Variants in OCEL1 observed in about 807,000 individuals in gnomAD.
The protein encoded by OCEL1 is occludin/ELL domain containing 1.
Under a neutral mutation model 29.4 loss-of-function variants are expected in OCEL1, and 24 were observed. The observed-to-expected ratio is 0.82, with a 90% CI of 0.59 to 1.15. OCEL1 has a LOEUF of 1.15. Among genes scored for constraint, OCEL1 ranks in the 50% most tolerant of loss-of-function variants. The pLI, the probability that OCEL1 is intolerant of heterozygous loss-of-function variation, is 0.00. For missense variants in OCEL1, 402 were observed against 352.5 expected (o/e 1.14, Z -1.13); for synonymous variants, 172 against 145.3 (o/e 1.18, Z -1.32).
intron 5 of OCEL1, 87 bp from the exon 6 acceptor site, chr19:17,228,716 G>T: frequency 6.5e-7 from 1 of 1,531,534 alleles, no homozygotes. Context: ...GAAAATTGAG[G>T]CTCGGAGAAT....
At chr19:17,228,038 C>T in intron 4 of OCEL1, 33 bp downstream of exon 4, 1 of 1,607,168 alleles carries the variant, frequency 6.2e-7, no homozygotes, top group Non-Finnish European at 8.5e-7. Flanking sequence ...TGCCCCGCAG[C>T]CCTTCTGAGT....
chr19:17,229,212 G>C lies in OCEL1; in HGVS notation c.*287G>C, dbSNP rs1394918337. 3 of 259,078 alleles carry C rather than the reference G, an allele frequency of 1.2e-5. No individual in the cohort carries two copies. In the East Asian group the frequency reaches 2.3e-4, roughly 20 times the overall value. The allele number at this position is 259,078 out of a possible 1,614,324, so 16.0% of individuals were successfully genotyped here. On this transcript the variant is annotated 3_prime_UTR_variant, in exon 6 of 6. Coordinates refer to ENST00000215061, the MANE Select transcript of OCEL1 (RefSeq NM_024578.3). The stretch of plus-strand genomic sequence containing the variant: ...ATCCCAGTGAAATAAACATGTATTA[G>C]ACACCTACTGAGTATAATTACTTAA...
intron 5 of OCEL1, chr19:17,228,562 T>G (rs986700805): frequency 6.8e-6 from 4 of 590,180 alleles, no homozygotes; most frequent in Non-Finnish European, 1.2e-5. Context: ...GTAGTAGAGA[T>G]GGGGTTTCAC....
chr19:17,228,132 C>A, intron 4 of OCEL1, 124 bp from the exon 5 acceptor site: 1 of 1,522,274 alleles, frequency 6.6e-7, no homozygotes, highest in Non-Finnish European at 9.0e-7. Context: ...CGCCGTGACA[C>A]ATGGCTAAGG....
chr19:17,227,290 G>C (rs891201), intron 3 of OCEL1, 91 bp downstream of exon 3: 157,381 of 1,212,440 alleles, frequency 0.13, 12,083 homozygotes, highest in African/African-American at 0.28. Flanking sequence ...GTTTACCAAA[G>C]AGTAGAAAGG....
In OCEL1 at chr19:17,226,677, G is replaced by A; in HGVS notation, c.70-16G>A. Reference sequence around the variant, plus strand: ...GCGCGTCGTCAGGCGTGTCCTCTCCGCGTGTCCACCCACAGGCCGCCCGCA... The same window carrying A: ...GCGCGTCGTCAGGCGTGTCCTCTCCACGTGTCCACCCACAGGCCGCCCGCA... On this transcript the variant is annotated splice_polypyrimidine_tract_variant and intron_variant, in intron 1 of 5. Transcript: ENST00000215061. The A allele has an allele frequency of 6.9e-7, 1 of 1,455,086 alleles. No individual in the cohort carries two copies. The highest frequency in any genetic ancestry group is 9.0e-7 in the Non-Finnish European group (1 of 1,111,576). 90.1% of individuals were successfully genotyped at this position (1,455,086 alleles called of 1,614,324 possible).
chr19:17,226,627 AGCT>A, intron 1 of OCEL1, 63 bp from the exon 2 acceptor site: 2 of 1,402,246 alleles, frequency 1.4e-6, no homozygotes, highest in Non-Finnish European at 1.9e-6. Context: ...TCTTCGGCCG[AGCT>A]GCCCGCGCGT....
At position 17,228,623 on chromosome 19, in the gene OCEL1, C is replaced by T. The variant is rs192393024; in HGVS notation, c.673-180C>T. 1.3e-4 allele frequency: 98 copies of T among 753,636 alleles called. 1 individual carries two copies. In the East Asian group the frequency reaches 2.8e-3, roughly 21 times the overall value. The allele number at this position is 753,636 out of a possible 1,614,324, so 46.7% of individuals were successfully genotyped here. A position where few individuals can be genotyped will look rare whatever the true frequency, so the allele number is the denominator to read the frequency against. On this transcript the variant is annotated intron_variant, in intron 5 of 5. Transcript: ENST00000215061. The stretch of plus-strand genomic sequence containing the variant: ...TCCTGACCTCAAGTGATCCGCCCAC[C>T]TCGGCCTCCCAGACTGCTGGGATTA...
intron 1 of OCEL1, 129 bp downstream of exon 1, chr19:17,226,445 AC>A: frequency 8.6e-7 from 1 of 1,156,386 alleles, no homozygotes. Context: ...GCGGGGGTTA[AC>A]TCGAGCCGGT....
chr19:17,228,562 TG>T (rs2073384286), intron 5 of OCEL1: 1 of 590,172 alleles, frequency 1.7e-6, no homozygotes, highest in Non-Finnish European at 2.9e-6. Context: ...GTAGTAGAGA[TG>T]GGGTTTCACC....
Position 17,228,278 on chromosome 19 carries a change from G to A in OCEL1, c.641G>A (p.Arg214Gln), listed in dbSNP as rs748595484. ...QSQKEAQVAA[R>Q]VWREFEMKRM... ...CAGAAGGAGGCCCAAGTTGCAGCCC[G>A]GGTTTGGAGGGAGTTTGAGATGAAG... The change falls in exon 5 of 6, where the codon CGG becomes CAG. Residue 214 changes from arginine to glutamine, a missense_variant. By Grantham distance (43) the Arg-to-Gln change is conservative. Coordinates refer to ENST00000215061, the MANE Select transcript of OCEL1 (RefSeq NM_024578.3). 1.6e-5 allele frequency: 26 copies of A among 1,613,974 alleles called. No homozygotes were observed. Among genetic ancestry groups the A allele is most frequent in the South Asian group, 1.4e-4 (13 of 91,084 alleles).
chr19:17,228,982 G>A lies in OCEL1; in HGVS notation c.*57G>A, dbSNP rs747715089. ...GGGATGCAGGTCCCTTGCATTTCTT[G>A]GTATCTCTCAGCTTTTCCTCTTGCA... On this transcript the variant is annotated 3_prime_UTR_variant, in exon 6 of 6. Coordinates refer to ENST00000215061, the MANE Select transcript of OCEL1 (RefSeq NM_024578.3). 4.4e-6 allele frequency: 7 copies of A among 1,577,148 alleles called. No individual in the cohort carries two copies. In the Admixed American group the frequency reaches 1.0e-4, roughly 23 times the overall value.
chr19:17,228,211 G>A, intron 4 of OCEL1, 45 bp from the exon 5 acceptor site: 2 of 1,608,292 alleles, frequency 1.2e-6, no homozygotes, highest in Non-Finnish European at 1.7e-6. Context: ...ATCCCTTCTT[G>A]AATTCAACTC....
In OCEL1 at chr19:17,227,983, C is replaced by G. The variant is rs1337719589; in HGVS notation, c.596C>G (p.Ser199Cys). ...KLRQLEALLS[S>C]LPPPQSQKEA... The stretch of plus-strand genomic sequence containing the variant: ...AGGCAGCTGGAGGCCCTGCTGAGCT[C>G]CCTGCCCCCACCCCAAAGCCAGGTC... The change falls in exon 4 of 6, where the codon TCC becomes TGC. Residue 199 changes from serine (S) to cysteine (C), a missense_variant. Physicochemically the swap from Ser to Cys is moderately radical, Grantham distance 112. Coordinates refer to ENST00000215061, the MANE Select transcript of OCEL1 (RefSeq NM_024578.3). 1.2e-6 allele frequency: 2 copies of G among 1,612,144 alleles called. No individual in the cohort carries two copies. The highest frequency in any genetic ancestry group is 2.7e-5 in the African/African-American group (2 of 74,866).
At position 17,228,904 on chromosome 19, in the gene OCEL1, C is replaced by T. The variant is rs201691896; in HGVS notation, c.774C>T (p.Ser258=). 14 of 1,613,094 alleles carry T rather than the reference C, an allele frequency of 8.7e-6. No individual in the cohort carries two copies. The highest frequency in any genetic ancestry group is 6.7e-5 in the African/African-American group (5 of 75,044). The change falls in exon 6 of 6, where the codon AGC becomes AGT. Residue 258 remains serine (S), a synonymous_variant. Transcript: ENST00000215061. ...QIQKFDDQGD[S]EGSVYF is the part of the protein sequence containing the mutation. The stretch of plus-strand genomic sequence containing the variant: ...AGAAATTCGATGACCAAGGAGACAG[C>T]GAGGGCTCCGTGTACTTCTAAGTGC...
At chr19:17,227,706 A>G in intron 3 of OCEL1, 134 bp from the exon 4 acceptor site, 1 of 801,674 alleles carries the variant, frequency 1.2e-6, no homozygotes, top group Non-Finnish European at 1.9e-6. Flanking sequence ...ATAATAATAA[A>G]TAAATTAAAA....
In OCEL1 at chr19:17,226,276, C is replaced by T. The variant is rs201983831; in HGVS notation, c.29C>T (p.Pro10Leu). Residue 10 changes from proline (P) to leucine (L), a missense_variant, in exon 1 of 6, where the codon CCG becomes CTG. Transcript: ENST00000215061. Reference protein sequence around the residue: MHNPDGSASPTADPGSELQT... With the variant: MHNPDGSASLTADPGSELQT... ...CACAACCCGGACGGAAGTGCCTCTC[C>T]GACAGCAGATCCAGGCTCGGAGCTC... 1.9e-6 allele frequency: 3 copies of T among 1,612,386 alleles called. No individual in the cohort carries two copies. The highest frequency in any genetic ancestry group is 2.2e-5 in the South Asian group (2 of 90,814).
chr19:17,228,232 C>A, intron 4 of OCEL1, 24 bp from the exon 5 acceptor site: 4 of 1,613,844 alleles, frequency 2.5e-6, no homozygotes, highest in Non-Finnish European at 3.4e-6. Flanking sequence ...TCCCTAAACC[C>A]CCTTTCTACT....
intron 2 of OCEL1, 28 bp downstream of exon 2, chr19:17,226,897 G>A: frequency 6.6e-7 from 1 of 1,513,562 alleles, no homozygotes; most frequent in Non-Finnish European, 8.8e-7. Context: ...GGGGTCCCCA[G>A]GCCGGGCCTC....
Sources: gnomAD v4.1 joint callset for allele counts on GRCh38, gnomAD v4.1.1 for gene constraint, MANE v1.5 for transcripts, NCBI Gene and HGNC (gene_info 2026-07-23, HGNC 2026-07-21) for gene names.